The following HS6ST2 variants were observed in gnomAD, a reference collection of about 807,000 sequenced individuals.
HS6ST2 encodes heparan sulfate 6-O-sulfotransferase 2, also known as heparan-sulfate 6-O-sulfotransferase 2.
In HS6ST2, 17 loss-of-function variants were observed where a neutral mutation model predicts 33.0. That is an observed-to-expected ratio of 0.52 (90% CI 0.35 to 0.77). The LOEUF (loss-of-function observed/expected upper bound fraction) is 0.77, where lower values mean the gene tolerates loss of function less well. Ranked by LOEUF, HS6ST2 falls within the 30% of genes least tolerant of loss-of-function variation. The pLI is 0.01. For synonymous variants in HS6ST2, 248 were observed against 237.1 expected (o/e 1.05, Z -0.42); for missense variants, 519 against 551.7 (o/e 0.94, Z 0.59).
In HS6ST2 at chrX:132,957,053, G is replaced by T; in HGVS notation, c.702C>A (p.Ile234=). The T allele has an allele frequency of 8.3e-7, 1 of 1,211,872 alleles. No individual in the cohort carries two copies. The highest frequency in any genetic ancestry group is 1.1e-6 in the Non-Finnish European group (1 of 895,473). ...CGAAAGTGGTGCCCCCGGTCTTCTGGATGTGCAGGAACACGATCAGGTCAT... is the reference window on the plus strand; with the variant it reads ...CGAAAGTGGTGCCCCCGGTCTTCTGTATGTGCAGGAACACGATCAGGTCAT... The part of the protein sequence containing the change: ...KGDDLIVFLH[I]QKTGGTTFGR... Residue 234 remains isoleucine, a synonymous_variant, in exon 2 of 5, where the codon ATC becomes ATA. Coordinates refer to ENST00000370833, the MANE Select transcript of HS6ST2 (RefSeq NM_001394073.1).
At chrX:132,632,894 T>C (rs2063527533) in intron 4 of HS6ST2, among the ~76,000 whole-genome samples, 1 of 109,447 alleles carries the variant, frequency 9.1e-6, no homozygotes, top group African/African-American at 3.3e-5. Context: ...CTGAACAACA[T>C]GGTGAAACCC....
intron 2 of HS6ST2, among the ~76,000 whole-genome samples, chrX:132,887,069 G>A (rs2066260295): frequency 9.0e-6 from 1 of 110,635 alleles, no homozygotes; most frequent in Non-Finnish European, 1.9e-5. Context: ...TGGGAACAGA[G>A]GTTGCAGTGA....
chrX:132,855,382 T>C (rs760146695), intron 2 of HS6ST2, among the ~76,000 whole-genome samples: 31 of 112,402 alleles, frequency 2.8e-4, no homozygotes, highest in African/African-American at 9.7e-4. Context: ...AAAAGTGAAA[T>C]AGCTTGCTTA....
At chrX:132,683,517 A>C (rs1158078845) in intron 3 of HS6ST2, among the ~76,000 whole-genome samples, 1 of 112,154 alleles carries the variant, frequency 8.9e-6, no homozygotes, top group Non-Finnish European at 1.9e-5. Context: ...TAATTGCTAC[A>C]GGTCAGCACT....
rs754912509 is a variant in HS6ST2, at chrX:132,890,460, A to G, written c.947+66348T>C. ...AAAACCCGCAATTACTTGTGCACCAACCTAATAAAAATGAGCAGGGATGGG... is the reference window on the plus strand; with the variant it reads ...AAAACCCGCAATTACTTGTGCACCAGCCTAATAAAAATGAGCAGGGATGGG... On this transcript the variant is annotated intron_variant, in intron 2 of 4. Transcript: ENST00000370833. 4.7e-5 allele frequency among the ~76,000 whole-genome samples: 5 copies of G among 105,368 alleles called. No homozygotes were observed. In the Admixed American group the frequency reaches 5.1e-4, roughly 11 times the overall value. The allele number at this position is 105,368 out of a possible 115,157, so 91.5% of individuals were successfully genotyped here.
intron 2 of HS6ST2, among the ~76,000 whole-genome samples, chrX:132,906,578 G>A (rs915720573): frequency 1.8e-5 from 2 of 111,779 alleles, no homozygotes; most frequent in African/African-American, 6.5e-5. Flanking sequence ...GGGCCTGATG[G>A]GAGGTGTTTG....
intron 2 of HS6ST2, among the ~76,000 whole-genome samples, chrX:132,713,545 A>G (rs1466555763): frequency 9.0e-6 from 1 of 111,461 alleles, no homozygotes; most frequent in African/African-American, 3.3e-5. Flanking sequence ...TGTCCCCTGC[A>G]TCTGTGTTCT....
Position 132,739,406 on chromosome X carries a change from C to A in HS6ST2, c.948-30912G>T, listed in dbSNP as rs183166251. 4.5e-5 allele frequency among the ~76,000 whole-genome samples: 5 copies of A among 111,530 alleles called. No individual in the cohort carries two copies. In the East Asian group the frequency reaches 1.4e-3, roughly 31 times the overall value. On this transcript the variant is annotated intron_variant, in intron 2 of 4. Transcript: ENST00000370833. ...GTAGTGACTGTGTGTTTAAGCTGGA[C>A]TATCATTCCCTTAGCCTCATTTTTT...
chrX:132,823,119 C>T (rs1569494647), intron 2 of HS6ST2, among the ~76,000 whole-genome samples: 1 of 112,090 alleles, frequency 8.9e-6, no homozygotes, highest in Non-Finnish European at 1.9e-5. Flanking sequence ...CTTTAATATA[C>T]GAACGAACAT....
chrX:132,924,868 G>A (rs958714406), intron 2 of HS6ST2, among the ~76,000 whole-genome samples: 4 of 111,341 alleles, frequency 3.6e-5, no homozygotes, highest in Non-Finnish European at 7.5e-5. Flanking sequence ...TGTGCCAGCA[G>A]TCCCAGTGAC....
intron 2 of HS6ST2, among the ~76,000 whole-genome samples, chrX:132,850,749 C>T (rs1045751979): frequency 1.9e-4 from 21 of 110,818 alleles, no homozygotes; most frequent in Non-Finnish European, 3.4e-4. Context: ...CACACACACA[C>T]GCTCCCACAT....
At chrX:132,884,194 A>T in intron 2 of HS6ST2, among the ~76,000 whole-genome samples, 1 of 111,679 alleles carries the variant, frequency 9.0e-6, no homozygotes, top group Non-Finnish European at 1.9e-5. Context: ...ACACTGTGGA[A>T]AGACACAAAC....
chrX:132,731,483 G>A (rs1182000909), intron 2 of HS6ST2, among the ~76,000 whole-genome samples: 5 of 111,296 alleles, frequency 4.5e-5, no homozygotes, highest in South Asian at 7.7e-4. Flanking sequence ...GATACATCCC[G>A]AGAGAAATAT....
At chrX:132,743,566 C>T (rs928811109) in intron 2 of HS6ST2, among the ~76,000 whole-genome samples, 1 of 111,784 alleles carries the variant, frequency 8.9e-6, no homozygotes, top group African/African-American at 3.3e-5. Flanking sequence ...CACTTACATA[C>T]CAAGCCCATT....
intron 3 of HS6ST2, among the ~76,000 whole-genome samples, chrX:132,671,468 T>C (rs2063878309): frequency 9.7e-6 from 1 of 103,277 alleles, no homozygotes; most frequent in South Asian, 4.6e-4. Flanking sequence ...TTTTTTTTGA[T>C]AAAGCAAAAT....
At chrX:132,696,083 G>C (rs2064102710) in intron 3 of HS6ST2, among the ~76,000 whole-genome samples, 1 of 111,736 alleles carries the variant, frequency 8.9e-6, no homozygotes, top group African/African-American at 3.3e-5. Context: ...AGGAAGCTGG[G>C]CAAGTGCTAG....
intron 2 of HS6ST2, chrX:132,758,434 G>A (rs982846827): frequency 8.9e-6 from 1 of 111,851 alleles, no homozygotes; most frequent in African/African-American, 3.2e-5. Context: ...TCATATGAGA[G>A]TCCCAATCAC....
chrX:132,947,653 T>C (rs1049226047), intron 2 of HS6ST2, among the ~76,000 whole-genome samples: 2 of 112,017 alleles, frequency 1.8e-5, no homozygotes, highest in Non-Finnish European at 3.8e-5. Context: ...TTTATGTTCT[T>C]ATGTTTTACC....
At chrX:132,818,205 G>A (rs761227758) in intron 2 of HS6ST2, among the ~76,000 whole-genome samples, 3 of 110,988 alleles carry the variant, frequency 2.7e-5, no homozygotes, top group Non-Finnish European at 5.7e-5. Flanking sequence ...ACACTCTTTC[G>A]GCTTTCAAGA....
Sources: gnomAD v4.1 joint callset for allele counts (sites outside exome capture counted in the v4.1 genomes callset) on GRCh38, gnomAD v4.1.1 for gene constraint, MANE v1.5 for transcripts, NCBI Gene and HGNC (gene_info 2026-07-23, HGNC 2026-07-21) for gene names.